Variants in RALGPS2 observed in about 807,000 individuals in gnomAD.
The protein encoded by RALGPS2 is ras-specific guanine nucleotide-releasing factor RalGPS2.
A neutral mutation model predicts 86.8 loss-of-function variants in RALGPS2; 43 were observed. The ratio of observed to expected loss-of-function variants is 0.50; its 90% confidence interval spans 0.39 to 0.64. The LOEUF is 0.64. Among genes scored for constraint, RALGPS2 ranks in the 30% least tolerant of loss-of-function variants. The pLI, the probability that RALGPS2 is intolerant of heterozygous loss-of-function variation, is 0.00. For missense variants in RALGPS2, 536 were observed against 694.6 expected, an observed-to-expected ratio of 0.77 and a Z score of 2.57; for synonymous variants, 243 against 231.3, an observed-to-expected ratio of 1.05 and a Z score of -0.46.
intron 8 of RALGPS2, among the ~76,000 whole-genome samples, chr1:178,860,833 A>G (rs2102322321): frequency 6.6e-6 from 1 of 152,318 alleles, no homozygotes; most frequent in Admixed American, 6.5e-5. Flanking sequence ...GCCAGAGCAT[A>G]CATAAGTACA....
At chr1:178,871,936 A>G (rs1196943483) in intron 8 of RALGPS2, among the ~76,000 whole-genome samples, 1 of 152,250 alleles carries the variant, frequency 6.6e-6, no homozygotes, top group Non-Finnish European at 1.5e-5. Context: ...GAGTACAACT[A>G]TACTATTGTA....
At chr1:178,853,106 A>C in intron 8 of RALGPS2, 1 of 985,404 alleles carries the variant, frequency 1.0e-6, no homozygotes, top group Non-Finnish European at 1.2e-6. Context: ...GCGTTTTATA[A>C]GCCACACATT....
At chr1:178,869,893 A>G (rs1342849436) in intron 8 of RALGPS2, among the ~76,000 whole-genome samples, 1 of 152,126 alleles carries the variant, frequency 6.6e-6, no homozygotes, top group African/African-American at 2.4e-5. Context: ...CAGATAGAAT[A>G]TTGAAGGAAA....
At chr1:178,772,303 G>A (rs554795615) in intron 1 of RALGPS2, among the ~76,000 whole-genome samples, 1 of 152,302 alleles carries the variant, frequency 6.6e-6, no homozygotes, top group Admixed American at 6.5e-5. Flanking sequence ...AGTCTTCTGA[G>A]TAGAGCATCT....
chr1:178,906,302 G>A (rs961852308), intron 18 of RALGPS2, among the ~76,000 whole-genome samples: 13 of 152,032 alleles, frequency 8.6e-5, no homozygotes, highest in African/African-American at 3.1e-4. Context: ...ATAAAGCTGG[G>A]AGGCAGAGGT....
intron 1 of RALGPS2, among the ~76,000 whole-genome samples, chr1:178,737,420 G>A (rs2102014760): frequency 6.6e-6 from 1 of 152,106 alleles, no homozygotes; most frequent in Admixed American, 6.5e-5. Context: ...TAATTTTTTT[G>A]TATTTTTAGT....
In RALGPS2 at chr1:178,838,600, A is replaced by G. The variant is rs191406459; in HGVS notation, c.607+5050A>G. Among the ~76,000 whole-genome samples, 32 of 152,348 alleles carry G rather than the reference A, an allele frequency of 2.1e-4. No individual in the cohort carries two copies. The East Asian group carries it at 6.0e-3, about 28-fold the overall frequency. The stretch of plus-strand genomic sequence containing the variant: ...CAGAACAGAAAAGCTGAAAATTCTA[A>G]AAATCAGAGCACCTCTCCCCCTCCA... On this transcript the variant is annotated intron_variant, in intron 8 of 19. Coordinates refer to ENST00000367635, the MANE Select transcript of RALGPS2 (RefSeq NM_152663.5).
chr1:178,819,066 A>G (rs1218637314), intron 6 of RALGPS2, among the ~76,000 whole-genome samples: 2 of 148,480 alleles, frequency 1.3e-5, no homozygotes, highest in East Asian at 4.0e-4. Context: ...ATGGCTCATC[A>G]CAACCTGTGC....
intron 1 of RALGPS2, among the ~76,000 whole-genome samples, chr1:178,775,920 CAAAAA>C (rs535964125): frequency 8.1e-5 from 7 of 86,730 alleles, no homozygotes; most frequent in African/African-American, 1.6e-4. Context: ...ATACTTGGGG[CAAAAA>C]AAAAAAAAAA....
At chr1:178,862,758 T>C (rs866365522) in intron 8 of RALGPS2, among the ~76,000 whole-genome samples, 6 of 152,114 alleles carry the variant, frequency 3.9e-5, no homozygotes, top group African/African-American at 1.4e-4. Context: ...AGGAAACTAG[T>C]GGAAGGTCCG....
At position 178,808,077 on chromosome 1, in the gene RALGPS2, A is replaced by G; in HGVS notation, c.246A>G (p.Glu82=). 6.2e-7 allele frequency: 1 copy of G among 1,611,376 alleles called. No homozygotes were observed. Among genetic ancestry groups the G allele is most frequent in the Non-Finnish European group, 8.5e-7 (1 of 1,178,082 alleles). ...ELSSCGWNKK[E]KYSSAPNAVA... ...CAAGTTGTGGATGGAATAAAAAAGA[A>G]AAATATAGTTCTGCACCAAATGCAG... is the stretch of plus-strand genomic sequence containing the variant. Residue 82 remains glutamate (E), a synonymous_variant, in exon 5 of 20, where the codon GAA becomes GAG. Coordinates refer to ENST00000367635, the MANE Select transcript of RALGPS2 (RefSeq NM_152663.5).
chr1:178,747,395 T>G (rs1401410676), intron 1 of RALGPS2: 4 of 1,538,304 alleles, frequency 2.6e-6, no homozygotes, highest in Non-Finnish European at 3.6e-6. Flanking sequence ...ATAATACGAC[T>G]TCACATCTTC....
intron 19 of RALGPS2, among the ~76,000 whole-genome samples, chr1:178,915,942 TG>T (rs1484556034): frequency 6.6e-6 from 1 of 151,494 alleles, no homozygotes; most frequent in Non-Finnish European, 1.5e-5. Context: ...TAGGAATTTT[TG>T]TAATATATAA....
At chr1:178,894,198 G>T in intron 16 of RALGPS2, 174 bp downstream of exon 16, 2 of 474,348 alleles carry the variant, frequency 4.2e-6, no homozygotes, top group African/African-American at 3.9e-5. Context: ...ATCCCCCGGG[G>T]ATGACTGAAA....
chr1:178,916,337 C>T lies in RALGPS2; in HGVS notation c.1730C>T (p.Thr577Ile). ...AATGCTTATATTTTTTAGGTTCCTA[C>T]AAACTTGATGACTTTTGAGTAGAAG... is the stretch of plus-strand genomic sequence containing the variant. ...ACQSNKQQVP[T>I]NLMTFE The change falls in exon 20 of 20, where the codon ACA (threonine) becomes ATA (isoleucine). Residue 577 changes from threonine (T) to isoleucine (I), a missense_variant. Around this residue, in one of 3 missense-constraint regions of RALGPS2, gnomAD observed 309 missense variants for 363.0 expected, o/e 0.85. Coordinates refer to ENST00000367635, the MANE Select transcript of RALGPS2 (RefSeq NM_152663.5). The T allele has an allele frequency of 6.2e-7, 1 of 1,601,074 alleles. No individual in the cohort carries two copies. The highest frequency in any genetic ancestry group is 8.6e-7 in the Non-Finnish European group (1 of 1,168,936).
chr1:178,808,213 A>G (rs1356691787), intron 5 of RALGPS2, 85 bp downstream of exon 5: 1 of 948,746 alleles, frequency 1.1e-6, no homozygotes, highest in Non-Finnish European at 1.7e-6. Context: ...AACTTTTTAC[A>G]TCAGTTCTGG....
intron 6 of RALGPS2, among the ~76,000 whole-genome samples, chr1:178,811,865 A>G (rs536157778): frequency 6.6e-5 from 10 of 152,346 alleles, no homozygotes; most frequent in African/African-American, 1.9e-4. Flanking sequence ...TGTGTGACAT[A>G]GATAATAAAT....
At chr1:178,915,561 T>C (rs1218277631) in intron 19 of RALGPS2, among the ~76,000 whole-genome samples, 11 of 152,230 alleles carry the variant, frequency 7.2e-5, no homozygotes, top group Non-Finnish European at 4.4e-5. Context: ...TAATCAGACC[T>C]GAAAATTTAT....
intron 4 of RALGPS2, among the ~76,000 whole-genome samples, chr1:178,806,989 A>G (rs919231213): frequency 2.6e-5 from 4 of 152,220 alleles, no homozygotes; most frequent in Admixed American, 6.5e-5. Flanking sequence ...TTACACAGCA[A>G]TACATGTGCT....
Sources: allele counts gnomAD v4.1 joint callset (sites outside exome capture counted in the v4.1 genomes callset), GRCh38; gene constraint gnomAD v4.1.1; regional missense constraint gnomAD v4.1.1; transcripts MANE v1.5; gene names NCBI Gene and HGNC (gene_info 2026-07-23, HGNC 2026-07-21).